The following GRM8 variants were observed in gnomAD, a reference collection of about 807,000 sequenced individuals.
GRM8 encodes metabotropic glutamate receptor 8.
In GRM8, 47 loss-of-function variants were observed where a neutral mutation model predicts 87.2. That is an observed-to-expected ratio of 0.54 (90% CI 0.43 to 0.69). The LOEUF (loss-of-function observed/expected upper bound fraction) is 0.69, where lower values mean the gene tolerates loss of function less well. GRM8 is among the 30% of genes least tolerant of loss of function. The probability of loss-of-function intolerance (pLI) is 0.00; values close to 1 mark genes in which losing one functional copy is unlikely to be tolerated. For synonymous variants in GRM8, 396 were observed against 404.5 expected (o/e 0.98, Z 0.25); for missense variants, 1,019 against 1,139.2 (o/e 0.89, Z 1.52).
intron 8 of GRM8, among the ~76,000 whole-genome samples, chr7:126,535,820 T>C (rs754504796): frequency 2.0e-5 from 3 of 152,102 alleles, no homozygotes; most frequent in Non-Finnish European, 4.4e-5. Context: ...GTGGAAAGAA[T>C]GGAGGCCTCC....
chr7:126,925,083 C>T (rs1322662126), intron 3 of GRM8, among the ~76,000 whole-genome samples: 2 of 152,118 alleles, frequency 1.3e-5, no homozygotes, highest in Admixed American at 1.3e-4. Context: ...AAAACAGGAA[C>T]TTTTTCTTCA....
At chr7:126,777,230 G>A (rs932158925) in intron 6 of GRM8, among the ~76,000 whole-genome samples, 1 of 152,124 alleles carries the variant, frequency 6.6e-6, no homozygotes, top group African/African-American at 2.4e-5. Context: ...TAAGGTCAGA[G>A]AAGTGAAAGG....
intron 2 of GRM8, among the ~76,000 whole-genome samples, chr7:127,191,131 C>T (rs1288663552): frequency 6.6e-6 from 1 of 152,094 alleles, no homozygotes; most frequent in African/African-American, 2.4e-5. Flanking sequence ...GATTCTGATT[C>T]CTAGATTTGT....
chr7:126,584,931 GTTAGTC>G lies in GRM8; in HGVS notation c.1494+24425_1494+24430del, dbSNP rs552532999. Among the ~76,000 whole-genome samples the G allele has an allele frequency of 1.6e-4, 24 of 152,104 alleles. No individual in the cohort carries two copies. In the East Asian group the frequency reaches 4.4e-3, roughly 28 times the overall value. On this transcript the variant is annotated intron_variant, in intron 8 of 10. Coordinates refer to ENST00000339582, the MANE Select transcript of GRM8 (RefSeq NM_000845.3). Reference sequence around the variant, plus strand: ...ATAAGTGGTTATTATATGCTCTCATGTTAGTCTTAGTATTCATAAGCTAAAAGCACT... The same window carrying G: ...ATAAGTGGTTATTATATGCTCTCATGTTAGTATTCATAAGCTAAAAGCACT...
chr7:126,780,108 C>T (rs1377261595), intron 6 of GRM8, among the ~76,000 whole-genome samples: 2 of 152,158 alleles, frequency 1.3e-5, no homozygotes, highest in East Asian at 3.9e-4. Context: ...GAGATTACAA[C>T]AGAAAGTTAA....
intron 3 of GRM8, among the ~76,000 whole-genome samples, chr7:126,996,323 G>A (rs894500927): frequency 1.3e-5 from 2 of 151,868 alleles, no homozygotes; most frequent in Non-Finnish European, 2.9e-5. Flanking sequence ...CTGTAATTGT[G>A]GTGTGTAAAC....
At chr7:126,747,687 C>T (rs901748517) in intron 7 of GRM8, among the ~76,000 whole-genome samples, 1 of 151,976 alleles carries the variant, frequency 6.6e-6, no homozygotes, top group African/African-American at 2.4e-5. Context: ...GCTTACCTTT[C>T]TCAGGATGCT....
chr7:126,864,034 C>CTTTTTTT (rs35544185), intron 6 of GRM8, among the ~76,000 whole-genome samples: 4 of 117,862 alleles, frequency 3.4e-5, no homozygotes, highest in Middle Eastern at 6.3e-3. Context: ...CTATGTGTGG[C>CTTTTTTT]TTTTTTTTTT....
In GRM8 at chr7:126,438,690, C is replaced by T; in HGVS notation, c.*429G>A. 1 of 155,448 alleles carries T rather than the reference C, an allele frequency of 6.4e-6. No homozygotes were observed. The highest frequency in any genetic ancestry group is 6.5e-5 in the Admixed American group (1 of 15,396). 9.6% of individuals were successfully genotyped at this position (155,448 alleles called of 1,614,324 possible). ...CATTGCATTTATTTTTAGCACAACCCAGGGCTTCAATCTGGTCAGCCATTA... is the reference window on the plus strand; with the variant it reads ...CATTGCATTTATTTTTAGCACAACCTAGGGCTTCAATCTGGTCAGCCATTA... On this transcript the variant is annotated 3_prime_UTR_variant, in exon 11 of 11. Transcript: ENST00000339582.
chr7:126,477,346 A>G (rs1445196971), intron 9 of GRM8, among the ~76,000 whole-genome samples: 1 of 152,002 alleles, frequency 6.6e-6, no homozygotes, highest in Non-Finnish European at 1.5e-5. Context: ...TTGTATACTA[A>G]AAATTTGTTA....
At chr7:126,469,804 G>A (rs1167173326) in intron 9 of GRM8, among the ~76,000 whole-genome samples, 8 of 152,138 alleles carry the variant, frequency 5.3e-5, no homozygotes, top group African/African-American at 1.9e-4. Flanking sequence ...GACTAATACA[G>A]TAAATTGGTA....
intron 9 of GRM8, among the ~76,000 whole-genome samples, chr7:126,458,735 A>G (rs1803551001): frequency 6.6e-6 from 1 of 151,278 alleles, no homozygotes; most frequent in African/African-American, 2.4e-5. Context: ...ACATGAGACT[A>G]TATCCTTTCA....
At chr7:127,071,055 C>T (rs11563503) in intron 3 of GRM8, among the ~76,000 whole-genome samples, 8,206 of 152,120 alleles carry the variant, frequency 0.054, 272 homozygotes, top group South Asian at 0.12. Context: ...GGTCTGCAAA[C>T]GGCATTTTCT....
At chr7:127,002,077 T>C (rs1346095896) in intron 3 of GRM8, among the ~76,000 whole-genome samples, 1 of 151,510 alleles carries the variant, frequency 6.6e-6, no homozygotes, top group Non-Finnish European at 1.5e-5. Context: ...AGAAAGAACA[T>C]TTTTGGATAA....
chr7:127,102,272 C>A (rs1209235568), intron 3 of GRM8, among the ~76,000 whole-genome samples: 1 of 152,126 alleles, frequency 6.6e-6, no homozygotes, highest in African/African-American at 2.4e-5. Context: ...AGCCATGGGG[C>A]AGAGAAAGAA....
chr7:126,761,146 G>A (rs939460439), intron 7 of GRM8, among the ~76,000 whole-genome samples: 13 of 151,722 alleles, frequency 8.6e-5, no homozygotes, highest in African/African-American at 1.7e-4. Context: ...TGCAGTGAGC[G>A]GAGATCGCAC....
intron 7 of GRM8, among the ~76,000 whole-genome samples, chr7:126,689,612 T>A (rs1481992033): frequency 6.6e-6 from 1 of 152,076 alleles, no homozygotes; most frequent in Non-Finnish European, 1.5e-5. Context: ...GGTTGGGATC[T>A]AGGGGGTGGC....
intron 9 of GRM8, among the ~76,000 whole-genome samples, chr7:126,456,715 C>T (rs1803286790): frequency 1.3e-5 from 2 of 151,112 alleles, no homozygotes; most frequent in Non-Finnish European, 3.0e-5. Context: ...AACTTATCCT[C>T]GAATTATCCC....
At chr7:126,470,219 T>C in intron 9 of GRM8, among the ~76,000 whole-genome samples, 1 of 152,024 alleles carries the variant, frequency 6.6e-6, no homozygotes. Flanking sequence ...CTTTAAGTTT[T>C]AGGGTACATG....
Sources: allele counts gnomAD v4.1 joint callset (sites outside exome capture counted in the v4.1 genomes callset), GRCh38; gene constraint gnomAD v4.1.1; transcripts MANE v1.5; gene names NCBI Gene and HGNC (gene_info 2026-07-23, HGNC 2026-07-21).